Variants in DPEP3 observed in about 807,000 individuals in gnomAD.
DPEP3 encodes membrane-bound dipeptidase 3.
Under a neutral mutation model 47.5 loss-of-function variants are expected in DPEP3, and 42 were observed. That is an observed-to-expected ratio of 0.88 (90% confidence interval 0.69 to 1.14). DPEP3 has a LOEUF of 1.14. DPEP3 is among the 50% of genes most tolerant of loss of function. DPEP3 has a pLI of 0.00. For synonymous variants in DPEP3, 276 were observed against 270.2 expected, an observed-to-expected ratio of 1.02 and a Z score of -0.21; for missense variants, 560 against 635.0, an observed-to-expected ratio of 0.88 and a Z score of 1.27.
chr16:67,977,223 C>A, intron 7 of DPEP3, 47 bp downstream of exon 7: 1 of 1,577,712 alleles, frequency 6.3e-7, no homozygotes, highest in Non-Finnish European at 8.7e-7. Context: ...AGGGCCCTGG[C>A]AGCCACAGCC....
In DPEP3 at chr16:67,978,759, G is replaced by T; in HGVS notation, c.415-133C>A. On this transcript the variant is annotated intron_variant, in intron 2 of 9. Transcript: ENST00000268793. The surrounding 1 kb of genome is among the most constrained non-coding windows in gnomAD (Gnocchi z 4.4). ...AAGTGAGGCACTACATGACTCCATGGTACCTTGATGACTTTTTTTAAAATT... is the reference window on the plus strand; with the variant it reads ...AAGTGAGGCACTACATGACTCCATGTTACCTTGATGACTTTTTTTAAAATT... 1 of 972,900 alleles carries T rather than the reference G, an allele frequency of 1.0e-6. No individual in the cohort carries two copies. The highest frequency in any genetic ancestry group is 1.5e-6 in the Non-Finnish European group (1 of 658,686). 60.3% of individuals were successfully genotyped at this position (972,900 alleles called of 1,614,324 possible).
At position 67,980,211 on chromosome 16, in the gene DPEP3, G is replaced by A. The variant is rs370522331; in HGVS notation, c.170C>T (p.Thr57Met). Residue 57 changes from threonine (T) to methionine (M), a missense_variant, in exon 1 of 10, where the codon ACG (threonine) becomes ATG (methionine). By Grantham distance (81) the Thr-to-Met change is moderately conservative. Coordinates refer to ENST00000268793, the MANE Select transcript of DPEP3 (RefSeq NM_001370198.1). ...STLGSPSLFT[T>M]PGVPSALTTP... ...AGTGAGGGCGCTGGGGACACCCGGC[G>A]TGGTGAAGAGGCTGGGGGAGCCCAG... The A allele has an allele frequency of 3.1e-6, 5 of 1,610,086 alleles. No individual in the cohort carries two copies. Among genetic ancestry groups the A allele is most frequent in the Admixed American group, 1.7e-5 (1 of 59,292 alleles).
At chr16:67,976,325 G>T (rs2031195693) in intron 8 of DPEP3, 97 bp from the exon 9 acceptor site, 5 of 1,524,240 alleles carry the variant, frequency 3.3e-6, no homozygotes, top group Non-Finnish European at 4.4e-6. Context: ...GGAAACTGAA[G>T]GCCAAGTTCT....
rs373897154 is a variant in DPEP3 at position 67,976,156 on chromosome 16, G to C, written c.1167C>G (p.Ser389Arg). The C allele has an allele frequency of 5.6e-6, 9 of 1,614,030 alleles. No homozygotes were observed. Among genetic ancestry groups the C allele is most frequent in the Non-Finnish European group, 7.6e-6 (9 of 1,180,038 alleles). ...LIEELLSRSW[S>R]EEELQGVLRG... is the part of the protein sequence containing the mutation. ...GAAGGACACCTTGAAGCTCTTCCTCGCTCCAGCTACGACTCAGCAACTCCT... is the reference window on the plus strand; with the variant it reads ...GAAGGACACCTTGAAGCTCTTCCTCCCTCCAGCTACGACTCAGCAACTCCT... The change falls in exon 9 of 10, where the codon AGC becomes AGG. Residue 389 changes from serine to arginine, a missense_variant. Physicochemically the swap from Ser to Arg is moderately radical, Grantham distance 110. Transcript: ENST00000268793.
At chr16:67,976,271 A>G (rs1390045578) in intron 8 of DPEP3, 43 bp from the exon 9 acceptor site, 1 of 1,609,340 alleles carries the variant, frequency 6.2e-7, no homozygotes. Flanking sequence ...CTTAGCCCTG[A>G]TCCTGGGTTG....
In DPEP3 at chr16:67,980,078, C is replaced by A; in HGVS notation, c.287+16G>T. The A allele has an allele frequency of 6.3e-7, 1 of 1,599,700 alleles. No individual in the cohort carries two copies. ...GTGTGCTCACCCCGCGTTGCCCAAA[C>A]GCTGCACCTACATACCCGTCCACGA... On this transcript the variant is annotated intron_variant, in intron 1 of 9. Coordinates refer to ENST00000268793, the MANE Select transcript of DPEP3 (RefSeq NM_001370198.1).
rs776305785 is a variant in DPEP3, at chr16:67,980,100, A to T, written c.281T>A (p.Val94Glu). ...AAACGCTGCACCTACATACCCGTCCACGAGTGGGAAACTCCGCATCAGGGC... is the reference window on the plus strand; with the variant it reads ...AAACGCTGCACCTACATACCCGTCCTCGAGTGGGAAACTCCGCATCAGGGC... Reference protein sequence around the residue: ...AQALMRSFPLVDGHNDLPQVL... With the variant: ...AQALMRSFPLEDGHNDLPQVL... Residue 94 changes from valine (V) to glutamate (E), a missense_variant, in exon 1 of 10, where the codon GTG (valine) becomes GAG (glutamate). Transcript: ENST00000268793. 5 of 1,610,700 alleles carry T rather than the reference A, an allele frequency of 3.1e-6. No homozygotes were observed. In the Admixed American group the frequency reaches 8.4e-5, roughly 27 times the overall value.
rs867652219 is a variant in DPEP3 at position 67,977,531 on chromosome 16, G to A, written c.933+122C>T. On this transcript the variant is annotated intron_variant, in intron 6 of 9. Coordinates refer to ENST00000268793, the MANE Select transcript of DPEP3 (RefSeq NM_001370198.1). Reference sequence around the variant, plus strand: ...TTACTTGGCCTTAAGTTTCAGGGATGGAGGAGGATTAACCAGCCTTTGGTC... The same window carrying A: ...TTACTTGGCCTTAAGTTTCAGGGATAGAGGAGGATTAACCAGCCTTTGGTC... The A allele has an allele frequency of 3.7e-6, 5 of 1,340,910 alleles. No homozygotes were observed. In the African/African-American group the frequency reaches 4.4e-5, roughly 12 times the overall value. 83.1% of individuals were successfully genotyped at this position (1,340,910 alleles called of 1,614,324 possible). A position where few individuals can be genotyped will look rare whatever the true frequency, so the allele number is the denominator to read the frequency against.
chr16:67,978,771 C>CT lies in DPEP3; in HGVS notation c.415-146dup, dbSNP rs1010521674. 7 of 892,102 alleles carry CT rather than the reference C, an allele frequency of 7.8e-6. No individual in the cohort carries two copies. Among genetic ancestry groups the CT allele is most frequent in the Non-Finnish European group, 1.2e-5 (7 of 604,908 alleles). The allele number at this position is 892,102 out of a possible 1,614,324, so 55.3% of individuals were successfully genotyped here. ...ACATGACTCCATGGTACCTTGATGA[C>CT]TTTTTTTAAAATTATTTTTTATTTT... On this transcript the variant is annotated intron_variant, in intron 2 of 9. Transcript: ENST00000268793. This position sits in a 1 kb window ranked among gnomAD's most constrained non-coding sequence, Gnocchi z 4.4.
At position 67,975,718 on chromosome 16, in the gene DPEP3, G is replaced by A. The variant is rs765086972; in HGVS notation, c.*47C>T. ...TGCTTGTGAATGAACTAGGAGAGGG[G>A]GCTTTGTGAGGCTTTGCCACAGTGA... On this transcript the variant is annotated 3_prime_UTR_variant, in exon 10 of 10. Transcript: ENST00000268793. 6 of 1,526,656 alleles carry A rather than the reference G, an allele frequency of 3.9e-6. No homozygotes were observed. Among genetic ancestry groups the A allele is most frequent in the Non-Finnish European group, 5.4e-6 (6 of 1,117,646 alleles). 94.6% of individuals were successfully genotyped at this position (1,526,656 alleles called of 1,614,324 possible).
In DPEP3 at chr16:67,978,331, G is replaced by A. The variant is rs1409295298; in HGVS notation, c.622C>T (p.Leu208=). The change falls in exon 4 of 10, where the codon CTG becomes TTG. Residue 208 remains leucine, a synonymous_variant. Coordinates refer to ENST00000268793, the MANE Select transcript of DPEP3 (RefSeq NM_001370198.1). The surrounding 1 kb of genome is among the most constrained non-coding windows in gnomAD (Gnocchi z 4.4). Reference sequence around the variant, plus strand: ...ACCCCCAGCACATAGAAACTGCGCAGCACAGAGAGGCTGCTGTCCAGTGAG... The same window carrying A: ...ACCCCCAGCACATAGAAACTGCGCAACACAGAGAGGCTGCTGTCCAGTGAG... ...GHSLDSSLSV[L]RSFYVLGVRY... 6.2e-7 allele frequency: 1 copy of A among 1,614,156 alleles called. No homozygotes were observed. Among genetic ancestry groups the A allele is most frequent in the South Asian group, 1.1e-5 (1 of 91,092 alleles).
At chr16:67,979,873 C>G (rs558475900) in intron 1 of DPEP3, 108 bp from the exon 2 acceptor site, 1 of 1,494,232 alleles carries the variant, frequency 6.7e-7, no homozygotes, top group African/African-American at 1.4e-5. Context: ...TCACACAGAC[C>G]ATATAGAGAC....
rs1469080389 is a variant in DPEP3 at position 67,978,668 on chromosome 16, C to T, written c.415-42G>A. On this transcript the variant is annotated intron_variant, in intron 2 of 9. Coordinates refer to ENST00000268793, the MANE Select transcript of DPEP3 (RefSeq NM_001370198.1). This position sits in a 1 kb window ranked among gnomAD's most constrained non-coding sequence, Gnocchi z 4.4. ...GGGTCCAGAATGAGGCCAGGGCGGT[C>T]TTCAACCCCCTAGGCCTGCCACTCC... 1 of 1,606,526 alleles carries T rather than the reference C, an allele frequency of 6.2e-7. No individual in the cohort carries two copies. Among genetic ancestry groups the T allele is most frequent in the East Asian group, 2.2e-5 (1 of 44,846 alleles).
rs373064126 is a variant in DPEP3, at chr16:67,975,754, G to A, written c.*11C>T. On this transcript the variant is annotated 3_prime_UTR_variant, in exon 10 of 10. Coordinates refer to ENST00000268793, the MANE Select transcript of DPEP3 (RefSeq NM_001370198.1). ...GCTTTGCCACAGTGACCTCTGCGGG[G>A]ACCGACTGTGTCAGCAGAGCCACTG... 1.8e-4 allele frequency: 291 copies of A among 1,606,472 alleles called. 1 individual carries two copies. The highest frequency in any genetic ancestry group is 1.7e-4 in the Non-Finnish European group (203 of 1,176,364).
rs1305584716 is a variant in DPEP3, at chr16:67,978,220, G to A, written c.686+47C>T. 6.2e-7 allele frequency: 1 copy of A among 1,612,692 alleles called. No individual in the cohort carries two copies. The highest frequency in any genetic ancestry group is 2.2e-5 in the East Asian group (1 of 44,872). ...TCACACCCATGCCAGGAATGGGGCA[G>A]TTTCCACACCATGCCATCTAGCATC... On this transcript the variant is annotated intron_variant, in intron 4 of 9. Transcript: ENST00000268793. The surrounding 1 kb of genome is among the most constrained non-coding windows in gnomAD (Gnocchi z 4.4).
rs1321637705 is a variant in DPEP3, at chr16:67,978,440, T to C, written c.545-32A>G. Reference sequence around the variant, plus strand: ...GGAGGTAGAGAGTCAAGTGGTTAGATCCCAGGAACAGAACCTCCAGAGTGA... The same window carrying C: ...GGAGGTAGAGAGTCAAGTGGTTAGACCCCAGGAACAGAACCTCCAGAGTGA... On this transcript the variant is annotated intron_variant, in intron 3 of 9. Coordinates refer to ENST00000268793, the MANE Select transcript of DPEP3 (RefSeq NM_001370198.1). This position sits in a 1 kb window ranked among gnomAD's most constrained non-coding sequence, Gnocchi z 4.4. 1.7e-5 allele frequency: 27 copies of C among 1,613,926 alleles called. 1 individual carries two copies. The highest frequency in any genetic ancestry group is 2.1e-5 in the Non-Finnish European group (25 of 1,179,850).
At chr16:67,976,063 T>C in intron 9 of DPEP3, 30 bp downstream of exon 9, 1 of 1,614,018 alleles carries the variant, frequency 6.2e-7, no homozygotes, top group Non-Finnish European at 8.5e-7. Flanking sequence ...CTCAAACCAC[T>C]GAACCATCCT....
chr16:67,977,443 A>T, intron 6 of DPEP3, 89 bp from the exon 7 acceptor site: 1 of 1,404,648 alleles, frequency 7.1e-7, no homozygotes, highest in Non-Finnish European at 9.9e-7. Context: ...ACTGTGCTCC[A>T]TCCTGGCTTC....
intron 8 of DPEP3, 121 bp downstream of exon 8, chr16:67,976,579 G>A (rs1423513046): frequency 4.3e-6 from 4 of 919,896 alleles, no homozygotes; most frequent in Non-Finnish European, 5.0e-6. Context: ...GGAGTGTCAG[G>A]TGGGATAGGA....
Sources: gnomAD v4.1 joint callset for allele counts on GRCh38, gnomAD v4.1.1 for gene constraint, Gnocchi (gnomAD v3.1) non-coding constraint, MANE v1.5 for transcripts, NCBI Gene and HGNC (gene_info 2026-07-23, HGNC 2026-07-21) for gene names.